The following SMCO2 variants were observed in gnomAD, a reference collection of about 807,000 sequenced individuals.
SMCO2 encodes single-pass membrane protein with coiled-coil domains 2, also known as single-pass membrane and coiled-coil domain-containing protein 2.
A neutral mutation model predicts 29.5 loss-of-function variants in SMCO2; 25 were observed. The ratio of observed to expected loss-of-function variants is 0.85; its 90% CI spans 0.62 to 1.18. The LOEUF (loss-of-function observed/expected upper bound fraction) is 1.18, where lower values mean the gene tolerates loss of function less well. Among genes scored for constraint, SMCO2 ranks in the 50% most tolerant of loss-of-function variants. The pLI is 0.00. For missense variants in SMCO2, 348 were observed against 344.5 expected (o/e 1.01, Z -0.08); for synonymous variants, 117 against 123.3 (o/e 0.95, Z 0.34).
the SMCO2 span, among the ~76,000 whole-genome samples, chr12:27,435,078 C>T: frequency 6.6e-6 from 1 of 152,028 alleles, no homozygotes; most frequent in Non-Finnish European, 1.5e-5. Context: ...GTAATGTTCC[C>T]ATTTTGAAGG....
intron 1 of SMCO2, among the ~76,000 whole-genome samples, chr12:27,469,044 T>C (rs182899285): frequency 1.1e-3 from 163 of 152,326 alleles, no homozygotes; most frequent in Non-Finnish European, 1.9e-3. Context: ...GGGGGAGACA[T>C]TGAGATGATA....
At chr12:27,492,244 G>A (rs775577750) in intron 5 of SMCO2, among the ~76,000 whole-genome samples, 5 of 151,738 alleles carry the variant, frequency 3.3e-5, no homozygotes, top group Admixed American at 6.6e-5. Context: ...AGTAGATGTC[G>A]TTTTACTTTT....
At chr12:27,491,217 T>C (rs371332478) in intron 5 of SMCO2, among the ~76,000 whole-genome samples, 2 of 152,010 alleles carry the variant, frequency 1.3e-5, no homozygotes, top group African/African-American at 2.4e-5. Context: ...GAGGGAAAAT[T>C]GGTGAAATTA....
chr12:27,448,426 AC>A, the SMCO2 span, among the ~76,000 whole-genome samples: 3 of 152,214 alleles, frequency 2.0e-5, no homozygotes, highest in African/African-American at 7.2e-5. Context: ...GGGTGGCCAC[AC>A]TTGAACTTAA....
chr12:27,432,396 G>T, the SMCO2 span, among the ~76,000 whole-genome samples: 1 of 152,154 alleles, frequency 6.6e-6, no homozygotes, highest in South Asian at 2.1e-4. Flanking sequence ...CAAATGCCAT[G>T]AAATACATTT....
At chr12:27,442,095 C>T in the SMCO2 span, among the ~76,000 whole-genome samples, 1 of 151,914 alleles carries the variant, frequency 6.6e-6, no homozygotes, top group Admixed American at 6.5e-5. Context: ...GCAATAAATC[C>T]CTAGATCAGA....
chr12:27,477,631 A>ATCCTTTTTT (rs1484377460), intron 4 of SMCO2, among the ~76,000 whole-genome samples: 2 of 81,104 alleles, frequency 2.5e-5, no homozygotes, highest in African/African-American at 1.4e-4. Flanking sequence ...ATTCTTTTTC[A>ATCCTTTTTT]TTCTTTTTTT....
the SMCO2 span, among the ~76,000 whole-genome samples, chr12:27,434,107 T>G: frequency 6.6e-6 from 1 of 152,178 alleles, no homozygotes; most frequent in African/African-American, 2.4e-5. Context: ...AAGAGCTGCT[T>G]TCTGAAACAT....
the SMCO2 span, among the ~76,000 whole-genome samples, chr12:27,446,147 C>A: frequency 3.3e-5 from 5 of 152,084 alleles, no homozygotes; most frequent in African/African-American, 1.2e-4. Flanking sequence ...CGTAATCCAC[C>A]CACCTCAGCC....
the SMCO2 span, among the ~76,000 whole-genome samples, chr12:27,435,544 T>TC: frequency 1.7e-4 from 25 of 145,120 alleles, no homozygotes; most frequent in Non-Finnish European, 2.9e-4. Context: ...TCTCTCTCTC[T>TC]CCCCCCCATC....
chr12:27,445,349 C>T, the SMCO2 span, among the ~76,000 whole-genome samples: 1 of 151,946 alleles, frequency 6.6e-6, no homozygotes, highest in African/African-American at 2.4e-5. Flanking sequence ...TCAGATAAAC[C>T]ATGAATTTTT....
At chr12:27,470,648 C>G in exon 2 of SMCO2, 1 of 1,551,040 alleles carries the variant, frequency 6.4e-7, no homozygotes, top group Non-Finnish European at 8.7e-7. Flanking sequence ...CTCACGCCCA[C>G]AAACCTAAAT....
At chr12:27,476,722 A>C (rs1277157407) in intron 4 of SMCO2, among the ~76,000 whole-genome samples, 5 of 151,526 alleles carry the variant, frequency 3.3e-5, no homozygotes, top group African/African-American at 1.2e-4. Context: ...CAATTTCTTC[A>C]CTTTCAGTCT....
At chr12:27,494,134 A>G in intron 5 of SMCO2, 166 bp from the exon 7 acceptor site, 1 of 452,432 alleles carries the variant, frequency 2.2e-6, no homozygotes. Flanking sequence ...TACAGTCTGC[A>G]ATTTATGATT....
At chr12:27,471,952 G>A (rs365752) in intron 2 of SMCO2, among the ~76,000 whole-genome samples, 110,051 of 152,060 alleles carry the variant, frequency 0.72, 40,397 homozygotes, top group Middle Eastern at 0.88. Context: ...GATATGCTGT[G>A]CACATACACA....
At chr12:27,459,367 A>T in the SMCO2 span, among the ~76,000 whole-genome samples, 1 of 152,288 alleles carries the variant, frequency 6.6e-6, no homozygotes, top group Non-Finnish European at 1.5e-5. Context: ...AAACTAACAC[A>T]GAAACAGAAA....
intron 4 of SMCO2, among the ~76,000 whole-genome samples, chr12:27,487,309 A>C (rs1337428613): frequency 6.6e-6 from 1 of 152,212 alleles, no homozygotes; most frequent in Non-Finnish European, 1.5e-5. Context: ...ATGCTACATA[A>C]GTGAAATCAT....
At chr12:27,447,360 GAC>G in the SMCO2 span, among the ~76,000 whole-genome samples, 2 of 152,026 alleles carry the variant, frequency 1.3e-5, no homozygotes, top group Non-Finnish European at 2.9e-5. Flanking sequence ...TGTCACCACC[GAC>G]ACACCTCTCT....
At chr12:27,443,228 G>A in the SMCO2 span, among the ~76,000 whole-genome samples, 1 of 152,156 alleles carries the variant, frequency 6.6e-6, no homozygotes, top group Non-Finnish European at 1.5e-5. Context: ...ATCAATACCT[G>A]TGATATATCA....
Sources: gnomAD v4.1 joint callset for allele counts (sites outside exome capture counted in the v4.1 genomes callset) on GRCh38, gnomAD v4.1.1 for gene constraint, MANE v1.5 for transcripts, NCBI Gene and HGNC (gene_info 2026-07-23, HGNC 2026-07-21) for gene names.